HSF2: variants seen among roughly 807,000 people sequenced by gnomAD.
HSF2 encodes heat shock transcription factor 2, also known as heat shock factor protein 2.
Under a neutral mutation model 65.0 loss-of-function variants are expected in HSF2, and 21 were observed. The observed-to-expected ratio is 0.32, with a 90% CI of 0.23 to 0.47. HSF2 has a LOEUF of 0.47. Among genes scored for constraint, HSF2 ranks in the 20% least tolerant of loss-of-function variants. The pLI, the probability that HSF2 is intolerant of heterozygous loss-of-function variation, is 1.00. For synonymous variants in HSF2, 225 were observed against 219.1 expected, an observed-to-expected ratio of 1.03 and a Z score of -0.24; for missense variants, 499 against 628.1, an observed-to-expected ratio of 0.79 and a Z score of 2.20.
At chr6:122,409,819 T>A (rs1254371659) in intron 1 of HSF2, among the ~76,000 whole-genome samples, 3 of 151,970 alleles carry the variant, frequency 2.0e-5, no homozygotes, top group African/African-American at 7.2e-5. Flanking sequence ...CTTCTGGGTT[T>A]ATTATGTCAT....
chr6:122,421,063 A>G (rs1362301928), intron 7 of HSF2, among the ~76,000 whole-genome samples: 4 of 152,072 alleles, frequency 2.6e-5, no homozygotes, highest in African/African-American at 9.6e-5. Context: ...TGTAATTATT[A>G]TAATTTAATG....
rs1240687660 is a variant in HSF2, at chr6:122,410,699, A to G, written c.94-1674A>G. ...TTTTGTGACTGGCTTATTTCACAGC[A>G]TAATGTTTTCAAAGTTCTTTTCATG... On this transcript the variant is annotated intron_variant, in intron 1 of 12. Transcript: ENST00000368455. Among the ~76,000 whole-genome samples, 4 of 152,042 alleles carry G rather than the reference A, an allele frequency of 2.6e-5. No individual in the cohort carries two copies. In the East Asian group the frequency reaches 7.7e-4, roughly 29 times the overall value.
intron 6 of HSF2, 114 bp downstream of exon 6, chr6:122,419,343 A>G (rs540527782): frequency 1.1e-5 from 6 of 537,902 alleles, no homozygotes; most frequent in Admixed American, 3.7e-5. Flanking sequence ...AAAAAGAACA[A>G]TTCTCCTTTG....
At chr6:122,417,148 GTT>G (rs376772134) in intron 5 of HSF2, among the ~76,000 whole-genome samples, 2 of 140,684 alleles carry the variant, frequency 1.4e-5, no homozygotes, top group African/African-American at 2.6e-5. Flanking sequence ...GATTTACTGT[GTT>G]TTTTTTTTTT....
intron 1 of HSF2, among the ~76,000 whole-genome samples, chr6:122,401,496 G>C (rs569710995): frequency 2.0e-5 from 3 of 152,284 alleles, no homozygotes; most frequent in Non-Finnish European, 4.4e-5. Context: ...ATTAAATTCT[G>C]ATTAGCAACA....
chr6:122,411,995 C>T (rs1349636502), intron 1 of HSF2, among the ~76,000 whole-genome samples: 3 of 151,776 alleles, frequency 2.0e-5, no homozygotes, highest in Admixed American at 6.6e-5. Context: ...GGTACTTCCT[C>T]TCAAAATCTT....
chr6:122,417,536 C>T lies in HSF2; in HGVS notation c.531+1240C>T, dbSNP rs532283120. Among the ~76,000 whole-genome samples the T allele has an allele frequency of 4.6e-5, 7 of 152,170 alleles. No individual in the cohort carries two copies. In the East Asian group the frequency reaches 9.7e-4, roughly 21 times the overall value. On this transcript the variant is annotated intron_variant, in intron 5 of 12. Transcript: ENST00000368455. ...TGAGTGGTGTTTATATAATGCATGA[C>T]GACAACCAATAATTTTTACTCTGCT...
At chr6:122,411,369 T>C (rs903443200) in intron 1 of HSF2, among the ~76,000 whole-genome samples, 5 of 151,900 alleles carry the variant, frequency 3.3e-5, no homozygotes, top group Non-Finnish European at 7.4e-5. Flanking sequence ...GGATATTAAC[T>C]CCTGAGGTAT....
chr6:122,400,267 A>G (rs963427277), intron 1 of HSF2, among the ~76,000 whole-genome samples: 1 of 152,138 alleles, frequency 6.6e-6, no homozygotes, highest in East Asian at 1.9e-4. Context: ...GTGGGGCTTT[A>G]TAGGAGGCGA....
At chr6:122,402,342 A>G (rs1773756667) in intron 1 of HSF2, among the ~76,000 whole-genome samples, 1 of 152,212 alleles carries the variant, frequency 6.6e-6, no homozygotes, top group African/African-American at 2.4e-5. Context: ...TGTGCTCTCC[A>G]TGGATTTTTC....
intron 7 of HSF2, among the ~76,000 whole-genome samples, chr6:122,420,696 A>ATTTTTTTTTTTTT (rs1353831309): frequency 9.8e-5 from 2 of 20,378 alleles, no homozygotes; most frequent in Non-Finnish European, 1.1e-4. Flanking sequence ...TAGTTTATTC[A>ATTTTTTTTTTTTT]TTTCTTTTTT....
At chr6:122,408,577 T>C (rs765739156) in intron 1 of HSF2, among the ~76,000 whole-genome samples, 1 of 152,144 alleles carries the variant, frequency 6.6e-6, no homozygotes. Context: ...CTGTTGCTGG[T>C]AATTAGAAAT....
chr6:122,425,221 T>C (rs997145624), intron 10 of HSF2, among the ~76,000 whole-genome samples: 2 of 152,050 alleles, frequency 1.3e-5, no homozygotes, highest in African/African-American at 4.8e-5. Flanking sequence ...TAGAAACGAG[T>C]GGCTGTATTT....
chr6:122,410,927 T>G (rs1435661622), intron 1 of HSF2, among the ~76,000 whole-genome samples: 1 of 145,260 alleles, frequency 6.9e-6, no homozygotes, highest in Non-Finnish European at 1.5e-5. Context: ...TTTTGTTTTG[T>G]TTTTTTGTTG....
At chr6:122,431,725 C>T (rs1337284064) in intron 12 of HSF2, among the ~76,000 whole-genome samples, 200 bp from the exon 13 acceptor site, 8 of 150,790 alleles carry the variant, frequency 5.3e-5, no homozygotes, top group Admixed American at 5.3e-4. Context: ...AAACTAAAGA[C>T]CCCTCATTTC....
intron 5 of HSF2, among the ~76,000 whole-genome samples, chr6:122,418,342 C>T (rs1165443697): frequency 6.6e-6 from 1 of 152,176 alleles, no homozygotes; most frequent in African/African-American, 2.4e-5. Context: ...TCTAAACATA[C>T]TGGATCCCAT....
rs1386114297 is a variant in HSF2 at position 122,416,301 on chromosome 6, GA to G, written c.531+7del. 2.5e-6 allele frequency: 4 copies of G among 1,602,578 alleles called. No homozygotes were observed. The highest frequency in any genetic ancestry group is 2.6e-6 in the Non-Finnish European group (3 of 1,169,970). On this transcript the variant is annotated splice_donor_region_variant and intron_variant, in intron 5 of 12. Transcript: ENST00000368455. The stretch of plus-strand genomic sequence containing the variant: ...CAGCAACAAGTTATTCGAAAGGTAA[GA>G]AGCTCTTTTCCCCAGGACCATAATT...
At chr6:122,410,266 A>G (rs1364528400) in intron 1 of HSF2, among the ~76,000 whole-genome samples, 2 of 151,836 alleles carry the variant, frequency 1.3e-5, no homozygotes, top group African/African-American at 4.8e-5. Flanking sequence ...GAGAATTGAC[A>G]CCTTTACAAT....
At chr6:122,413,745 A>T in intron 4 of HSF2, 96 bp downstream of exon 4, 1 of 1,012,288 alleles carries the variant, frequency 9.9e-7, no homozygotes, top group South Asian at 1.5e-5. Context: ...TATTGTAAGT[A>T]CTCAGATCAC....
Sources: gnomAD v4.1 joint callset for allele counts (sites outside exome capture counted in the v4.1 genomes callset) on GRCh38, gnomAD v4.1.1 for gene constraint, MANE v1.5 for transcripts, NCBI Gene and HGNC (gene_info 2026-07-23, HGNC 2026-07-21) for gene names.